Variants in DIS3L2 observed in about 807,000 individuals in gnomAD.
DIS3L2 encodes the protein DIS3-like exonuclease 2.
Under a neutral mutation model 97.5 loss-of-function variants are expected in DIS3L2, and 34 were observed. The observed-to-expected ratio is 0.35, with a 90% CI of 0.27 to 0.46. The LOEUF (loss-of-function observed/expected upper bound fraction) is 0.46. DIS3L2 is among the 20% of genes least tolerant of loss of function. DIS3L2 has a pLI of 1.00. For missense variants in DIS3L2, 1,038 were observed against 1,146.0 expected, an observed-to-expected ratio of 0.91 and a Z score of 1.36; for synonymous variants, 435 against 445.2, an observed-to-expected ratio of 0.98 and a Z score of 0.29.
chr2:232,015,719 A>G (rs1430914300), intron 3 of DIS3L2, 48 bp downstream of exon 3: 3 of 1,598,820 alleles, frequency 1.9e-6, no homozygotes, highest in Non-Finnish European at 2.6e-6. Context: ...GTAGAATCCA[A>G]AACAATCTAT....
At chr2:232,079,593 C>A (rs1382805253) in intron 5 of DIS3L2, among the ~76,000 whole-genome samples, 1 of 90,922 alleles carries the variant, frequency 1.1e-5, no homozygotes, top group African/African-American at 4.7e-5. Context: ...GAGCAAGACT[C>A]TATCTCAAAA....
At chr2:232,146,088 G>A (rs1690208557) in intron 8 of DIS3L2, among the ~76,000 whole-genome samples, 1 of 152,092 alleles carries the variant, frequency 6.6e-6, no homozygotes, top group Non-Finnish European at 1.5e-5. Context: ...GAAATGATCT[G>A]GGTATATGCT....
rs536659597 is a variant in DIS3L2, at chr2:232,155,669, G to A, written c.951-7790G>A. ...TCTAGCTCCTTCCTTCAGTTATGCC[G>A]AAGGAAGGATCTAGAGATGAGGAAT... On this transcript the variant is annotated intron_variant, in intron 8 of 20. Transcript: ENST00000325385. Among the ~76,000 whole-genome samples the A allele has an allele frequency of 5.9e-5, 9 of 152,084 alleles. No individual in the cohort carries two copies. In the East Asian group the frequency reaches 9.7e-4, roughly 16 times the overall value.
chr2:232,182,113 A>G (rs1355840075), intron 9 of DIS3L2, among the ~76,000 whole-genome samples: 1 of 152,186 alleles, frequency 6.6e-6, no homozygotes, highest in Non-Finnish European at 1.5e-5. Flanking sequence ...TACATCCCAT[A>G]AATTTTCATA....
At chr2:232,187,875 T>G (rs1160501609) in intron 9 of DIS3L2, among the ~76,000 whole-genome samples, 5 of 151,920 alleles carry the variant, frequency 3.3e-5, no homozygotes, top group Non-Finnish European at 5.9e-5. Flanking sequence ...TTCTTTATTT[T>G]TAAAAAGGCC....
chr2:232,115,856 A>G (rs1259794656), intron 6 of DIS3L2, among the ~76,000 whole-genome samples: 1 of 152,178 alleles, frequency 6.6e-6, no homozygotes, highest in Non-Finnish European at 1.5e-5. Context: ...GAAGTTATTT[A>G]TAGCAGTGTG....
At chr2:232,000,347 C>T (rs549767181) in intron 1 of DIS3L2, among the ~76,000 whole-genome samples, 229 of 152,284 alleles carry the variant, frequency 1.5e-3, no homozygotes, top group African/African-American at 5.0e-3. Context: ...CCGTGATATA[C>T]AATAGATCTC....
intron 12 of DIS3L2, 32 bp from the exon 13 acceptor site, chr2:232,263,175 A>T (rs144450028): frequency 1.2e-6 from 2 of 1,606,052 alleles, no homozygotes; most frequent in East Asian, 4.5e-5. Context: ...ATTTGTCCTC[A>T]CAATTCCCTT....
intron 6 of DIS3L2, among the ~76,000 whole-genome samples, chr2:232,105,356 A>G (rs1574879027): frequency 1.3e-5 from 2 of 152,152 alleles, no homozygotes; most frequent in Non-Finnish European, 2.9e-5. Flanking sequence ...GTTGGTTATT[A>G]AATACTTGGT....
intron 9 of DIS3L2, among the ~76,000 whole-genome samples, chr2:232,190,695 A>T (rs1022426855): frequency 6.6e-6 from 1 of 152,142 alleles, no homozygotes; most frequent in African/African-American, 2.4e-5. Context: ...TAGATTACAG[A>T]TACCTGTTTA....
chr2:231,984,138 A>G (rs1017348950), intron 1 of DIS3L2, among the ~76,000 whole-genome samples: 13 of 151,942 alleles, frequency 8.6e-5, no homozygotes, highest in Non-Finnish European at 1.3e-4. Context: ...GTAGCAGACT[A>G]TCTCCTTTAG....
At position 232,207,591 on chromosome 2, in the gene DIS3L2, C is replaced by T. The variant is rs554028614; in HGVS notation, c.1125-2735C>T. On this transcript the variant is annotated intron_variant, in intron 9 of 20. Coordinates refer to ENST00000325385, the MANE Select transcript of DIS3L2 (RefSeq NM_152383.5). ...CATGTTGCCTACACTGTGTGTGACT[C>T]TCCTCGAAATATTTAGAGGGAGAGT... Among the ~76,000 whole-genome samples the T allele has an allele frequency of 1.1e-4, 16 of 152,316 alleles. 1 individual carries two copies. The South Asian group carries it at 3.1e-3, about 30-fold the overall frequency.
At chr2:232,026,462 G>A (rs972557888) in intron 4 of DIS3L2, among the ~76,000 whole-genome samples, 2 of 151,910 alleles carry the variant, frequency 1.3e-5, no homozygotes, top group Non-Finnish European at 2.9e-5. Flanking sequence ...ATGCCCAAAC[G>A]TGGGCATCCT....
chr2:232,155,065 G>A (rs571684773), intron 8 of DIS3L2, among the ~76,000 whole-genome samples: 7 of 150,062 alleles, frequency 4.7e-5, no homozygotes, highest in African/African-American at 1.5e-4. Flanking sequence ...TTCGGCTCGC[G>A]CACGGTGAGC....
intron 11 of DIS3L2, among the ~76,000 whole-genome samples, chr2:232,245,215 C>A (rs1437627726): frequency 6.6e-6 from 1 of 152,206 alleles, no homozygotes; most frequent in East Asian, 1.9e-4. Context: ...CCACACTTAT[C>A]ACCCTGACCC....
intron 5 of DIS3L2, among the ~76,000 whole-genome samples, chr2:232,054,760 C>T (rs1445129883): frequency 1.3e-5 from 2 of 152,172 alleles, no homozygotes; most frequent in East Asian, 3.9e-4. Context: ...TTTTTTGAGG[C>T]CAGTATGCCC....
chr2:231,965,480 AG>A (rs1419213882), intron 1 of DIS3L2, among the ~76,000 whole-genome samples: 3 of 151,982 alleles, frequency 2.0e-5, no homozygotes, highest in East Asian at 1.9e-4. Context: ...ATGTTTAATA[AG>A]GGGACTCAGT....
chr2:232,341,748 A>G (rs1199242376), downstream of DIS3L2, among the ~76,000 whole-genome samples: 1 of 152,190 alleles, frequency 6.6e-6, no homozygotes, highest in Non-Finnish European at 1.5e-5. Context: ...CTAAGCTAAT[A>G]TGGCAGAAGG....
intron 14 of DIS3L2, among the ~76,000 whole-genome samples, chr2:232,321,407 G>A (rs371739838): frequency 6.6e-6 from 1 of 152,188 alleles, no homozygotes; most frequent in Admixed American, 6.5e-5. Context: ...CTAGAAAGAG[G>A]CTCACCTGAG....
Sources: allele counts gnomAD v4.1 joint callset (sites outside exome capture counted in the v4.1 genomes callset), GRCh38; gene constraint gnomAD v4.1.1; transcripts MANE v1.5; gene names NCBI Gene and HGNC (gene_info 2026-07-23, HGNC 2026-07-21).